Variants in VIP observed in about 807,000 individuals in gnomAD.
The protein encoded by VIP is vasoactive intestinal peptide.
Under a neutral mutation model 20.1 loss-of-function variants are expected in VIP, and 18 were observed. The ratio of observed to expected loss-of-function variants is 0.90; its 90% CI spans 0.62 to 1.33. The LOEUF is 1.33. Among genes scored for constraint, VIP ranks in the 40% most tolerant of loss-of-function variants. The pLI, the probability that VIP is intolerant of heterozygous loss-of-function variation, is 0.00. For synonymous variants in VIP, 70 were observed against 68.1 expected, an observed-to-expected ratio of 1.03 and a Z score of -0.14; for missense variants, 209 against 199.4, an observed-to-expected ratio of 1.05 and a Z score of -0.29.
intron 4 of VIP, 69 bp from the exon 5 acceptor site, chr6:152,756,065 C>T (rs2099730379): frequency 3.6e-6 from 5 of 1,389,322 alleles, no homozygotes; most frequent in Non-Finnish European, 4.7e-6. Context: ...CTCCAAGAAA[C>T]CTGGAACATG....
chr6:152,758,023 T>C (rs908416550), intron 6 of VIP, among the ~76,000 whole-genome samples: 1 of 152,028 alleles, frequency 6.6e-6, no homozygotes, highest in Non-Finnish European at 1.5e-5. Flanking sequence ...TATGTTTGGC[T>C]TTGTGAGCCA....
intron 1 of VIP, 84 bp from the exon 2 acceptor site, chr6:152,752,084 A>G (rs185544915): frequency 1.5e-5 from 14 of 918,018 alleles, no homozygotes; most frequent in African/African-American, 1.5e-4. Context: ...TGCAAGAGCC[A>G]TTGAAAATTA....
At chr6:152,756,007 T>A in intron 4 of VIP, 127 bp from the exon 5 acceptor site, 1 of 1,018,662 alleles carries the variant, frequency 9.8e-7, no homozygotes, top group African/African-American at 1.7e-5. Flanking sequence ...TTTCTTTTAG[T>A]CTTTTTATGA....
At chr6:152,757,066 T>TGTACAGAAA in intron 5 of VIP, 30 bp from the exon 6 acceptor site, 1 of 1,609,596 alleles carries the variant, frequency 6.2e-7, no homozygotes, top group Non-Finnish European at 8.5e-7. Flanking sequence ...CTGAGAGCCT[T>TGTACAGAAA]AATATGTACA....
intron 1 of VIP, 77 bp from the exon 2 acceptor site, chr6:152,752,091 A>G (rs942505970): frequency 1.9e-6 from 2 of 1,032,626 alleles, no homozygotes; most frequent in African/African-American, 3.2e-5. Context: ...GCCATTGAAA[A>G]TTACTGCTAG....
At chr6:152,753,495 A>G (rs2099729959) in intron 2 of VIP, among the ~76,000 whole-genome samples, 1 of 152,138 alleles carries the variant, frequency 6.6e-6, no homozygotes, top group African/African-American at 2.4e-5. Context: ...GTAACATTGT[A>G]CATCCCTTAT....
chr6:152,756,607 T>A (rs1205958102), intron 5 of VIP, among the ~76,000 whole-genome samples: 1 of 151,986 alleles, frequency 6.6e-6, no homozygotes, highest in African/African-American at 2.4e-5. Flanking sequence ...TCAAAAGTGA[T>A]GATTTTTAAA....
chr6:152,755,455 T>G (rs2099730287), intron 4 of VIP, 82 bp downstream of exon 4: 1 of 899,276 alleles, frequency 1.1e-6, no homozygotes. Context: ...ACAAGTTATT[T>G]ACTTTGTTTG....
intron 6 of VIP, among the ~76,000 whole-genome samples, chr6:152,757,859 A>G (rs1313611020): frequency 1.3e-5 from 2 of 151,932 alleles, no homozygotes; most frequent in Non-Finnish European, 2.9e-5. Flanking sequence ...TTTTATATAA[A>G]TGTGGGTTCA....
intron 1 of VIP, among the ~76,000 whole-genome samples, chr6:152,751,313 C>CT (rs962804921): frequency 1.1e-4 from 17 of 150,828 alleles, no homozygotes; most frequent in East Asian, 3.9e-4. Context: ...TTTTAAAGTG[C>CT]TTTTTTTTTC....
chr6:152,756,285 G>GGCCGGGCGCGGTGGCTCA lies in VIP; in HGVS notation c.467+20_467+21insGCCGGGCGCGGTGGCTCA. On this transcript the variant is annotated intron_variant, in intron 5 of 6. Coordinates refer to ENST00000367244, the MANE Select transcript of VIP (RefSeq NM_003381.4). The stretch of plus-strand genomic sequence containing the variant: ...GAGGAGGTAAAGAAAAAGAGAACTT[G>GGCCGGGCGCGGTGGCTCA]CTAAAATGAGGAATCATGACTGACT... 6.3e-7 allele frequency: 1 copy of GGCCGGGCGCGGTGGCTCA among 1,599,712 alleles called. No individual in the cohort carries two copies. Among genetic ancestry groups the GGCCGGGCGCGGTGGCTCA allele is most frequent in the African/African-American group, 1.4e-5 (1 of 73,926 alleles).
In VIP at chr6:152,750,913, C is replaced by T. The variant is rs928820470; in HGVS notation, c.-57C>T. 2.6e-5 allele frequency: 4 copies of T among 152,166 alleles called. No homozygotes were observed. Among genetic ancestry groups the T allele is most frequent in the African/African-American group, 4.8e-5 (2 of 41,430 alleles). The allele number at this position is 152,166 out of a possible 1,614,324, so 9.4% of individuals were successfully genotyped here. On this transcript the variant is annotated 5_prime_UTR_variant, in exon 1 of 7. Coordinates refer to ENST00000367244, the MANE Select transcript of VIP (RefSeq NM_003381.4). Reference sequence around the variant, plus strand: ...AGGACTTCAGCACCTAAGACAGCTCCAAAACAAACCAGAACAGTCAGCTCC... The same window carrying T: ...AGGACTTCAGCACCTAAGACAGCTCTAAAACAAACCAGAACAGTCAGCTCC...
In VIP at chr6:152,754,300, T is replaced by G. The variant is rs368269152; in HGVS notation, c.230+12T>G. 10 of 1,586,198 alleles carry G rather than the reference T, an allele frequency of 6.3e-6. No homozygotes were observed. In the African/African-American group the frequency reaches 1.4e-4, roughly 21 times the overall value. On this transcript the variant is annotated intron_variant, in intron 3 of 6. Transcript: ENST00000367244. Reference sequence around the variant, plus strand: ...TATGATGTATCCAGGTGAGTTTATTTTTATAAAACTATCCAATGAGTTTTA... The same window carrying G: ...TATGATGTATCCAGGTGAGTTTATTGTTATAAAACTATCCAATGAGTTTTA...
chr6:152,753,409 G>A (rs956170860), intron 2 of VIP, among the ~76,000 whole-genome samples: 18 of 151,982 alleles, frequency 1.2e-4, no homozygotes, highest in African/African-American at 3.6e-4. Flanking sequence ...AAGAGTTGCC[G>A]GTGATTGAAA....
intron 6 of VIP, 68 bp downstream of exon 6, chr6:152,757,252 C>A: frequency 9.7e-7 from 1 of 1,034,540 alleles, no homozygotes; most frequent in Non-Finnish European, 1.4e-6. Flanking sequence ...AGCTAAGAGT[C>A]ACTTAGTAAG....
At chr6:152,757,433 T>A (rs1402271258) in intron 6 of VIP, among the ~76,000 whole-genome samples, 1 of 151,898 alleles carries the variant, frequency 6.6e-6, no homozygotes, top group Non-Finnish European at 1.5e-5. Context: ...TGAATAGTGT[T>A]CCTGGCTTAC....
chr6:152,755,012 G>C (rs185006101), intron 3 of VIP, among the ~76,000 whole-genome samples: 2 of 151,832 alleles, frequency 1.3e-5, no homozygotes, highest in African/African-American at 4.8e-5. Context: ...AACCATGGAG[G>C]AATATTGAAA....
intron 2 of VIP, among the ~76,000 whole-genome samples, chr6:152,753,014 T>C (rs2099729884): frequency 6.6e-6 from 1 of 152,152 alleles, no homozygotes; most frequent in African/African-American, 2.4e-5. Flanking sequence ...GGCACCACTG[T>C]ATCTCCAAAG....
chr6:152,755,478 CGTT>C (rs1193122161), intron 4 of VIP, 105 bp downstream of exon 4: 195 of 675,890 alleles, frequency 2.9e-4, no homozygotes, highest in Non-Finnish European at 2.2e-4. Flanking sequence ...ATTGAAAACT[CGTT>C]GATAATGTTT....
Sources: gnomAD v4.1 joint callset for allele counts (sites outside exome capture counted in the v4.1 genomes callset) on GRCh38, gnomAD v4.1.1 for gene constraint, MANE v1.5 for transcripts, NCBI Gene and HGNC (gene_info 2026-07-23, HGNC 2026-07-21) for gene names.